JAM2: variants seen among roughly 807,000 people sequenced by gnomAD.
The protein encoded by JAM2 is junctional adhesion molecule 2.
Under a neutral mutation model 42.0 loss-of-function variants are expected in JAM2, and 17 were observed. The ratio of observed to expected loss-of-function variants is 0.40; its 90% CI spans 0.28 to 0.61. The LOEUF is 0.61. Ranked by LOEUF, JAM2 falls within the 20% of genes least tolerant of loss-of-function variation. JAM2 has a pLI of 0.37. For synonymous variants in JAM2, 118 were observed against 128.6 expected, an observed-to-expected ratio of 0.92 and a Z score of 0.56; for missense variants, 319 against 358.3, an observed-to-expected ratio of 0.89 and a Z score of 0.89.
chr21:25,666,484 C>T (rs2033227374), intron 1 of JAM2, among the ~76,000 whole-genome samples: 1 of 152,070 alleles, frequency 6.6e-6, no homozygotes, highest in African/African-American at 2.4e-5. Context: ...GCCACCACAC[C>T]CGGCTAAGTT....
intron 1 of JAM2, among the ~76,000 whole-genome samples, chr21:25,653,237 A>T (rs2032831158): frequency 6.6e-6 from 1 of 152,210 alleles, no homozygotes; most frequent in Non-Finnish European, 1.5e-5. Context: ...ATAATAATAT[A>T]AACTATTCTA....
chr21:25,667,877 G>T (rs2123342860), intron 1 of JAM2, among the ~76,000 whole-genome samples: 1 of 152,168 alleles, frequency 6.6e-6, no homozygotes, highest in East Asian at 1.9e-4. Context: ...ATTTTCAATT[G>T]TATATCGTTT....
chr21:25,660,759 CATATATAT>C (rs1311949044), intron 1 of JAM2, among the ~76,000 whole-genome samples: 16 of 53,452 alleles, frequency 3.0e-4, no homozygotes, highest in African/African-American at 1.0e-3. Flanking sequence ...TCACAATAAC[CATATATAT>C]ATATATATAT....
chr21:25,678,920 C>T (rs897449668), intron 1 of JAM2, among the ~76,000 whole-genome samples: 5 of 152,226 alleles, frequency 3.3e-5, no homozygotes, highest in Admixed American at 1.3e-4. Flanking sequence ...CTGCCTCAGC[C>T]TCCCAAGTAG....
At chr21:25,641,424 A>C (rs1180130180) in intron 1 of JAM2, among the ~76,000 whole-genome samples, 7 of 152,226 alleles carry the variant, frequency 4.6e-5, no homozygotes, top group Non-Finnish European at 1.0e-4. Flanking sequence ...AAAAGCATAA[A>C]TGAATGGGGC....
chr21:25,693,033 C>G (rs573317405), intron 3 of JAM2, among the ~76,000 whole-genome samples: 1 of 152,234 alleles, frequency 6.6e-6, no homozygotes, highest in Non-Finnish European at 1.5e-5. Context: ...GACTATCTTA[C>G]AGCAGCAATT....
chr21:25,664,667 C>T (rs1183061201), intron 1 of JAM2, among the ~76,000 whole-genome samples: 1 of 152,202 alleles, frequency 6.6e-6, no homozygotes, highest in African/African-American at 2.4e-5. Flanking sequence ...CTTATTTCTC[C>T]AATTGCCTCT....
chr21:25,712,262 A>G, intron 8 of JAM2, 78 bp from the exon 9 acceptor site: 1 of 987,918 alleles, frequency 1.0e-6, no homozygotes, highest in Non-Finnish European at 1.6e-6. Context: ...ATGGAAGTAA[A>G]ATTAACTAAA....
At chr21:25,679,365 T>C (rs2033574691) in intron 1 of JAM2, among the ~76,000 whole-genome samples, 1 of 152,236 alleles carries the variant, frequency 6.6e-6, no homozygotes, top group South Asian at 2.1e-4. Flanking sequence ...TTCTTTATAG[T>C]CTATTGGTTT....
At chr21:25,694,731 T>C (rs891557084) in intron 4 of JAM2, among the ~76,000 whole-genome samples, 2 of 151,956 alleles carry the variant, frequency 1.3e-5, no homozygotes, top group African/African-American at 4.8e-5. Context: ...TCTCAGCTAC[T>C]TGGGAGGCTG....
chr21:25,714,681 C>T lies in JAM2; in HGVS notation c.*9C>T, dbSNP rs761763702. On this transcript the variant is annotated 3_prime_UTR_variant, in exon 10 of 10. Transcript: ENST00000480456. ...AATCCTTTATAATTTAAAGACTCCA[C>T]TTTAGAGATACACCAAAGCCACCGT... is the stretch of plus-strand genomic sequence containing the variant. 5 of 1,496,904 alleles carry T rather than the reference C, an allele frequency of 3.3e-6. No homozygotes were observed. In the African/African-American group the frequency reaches 7.3e-5, roughly 22 times the overall value. 92.7% of individuals were successfully genotyped at this position (1,496,904 alleles called of 1,614,324 possible). A position where few individuals can be genotyped will look rare whatever the true frequency, so the allele number is the denominator to read the frequency against.
intron 1 of JAM2, among the ~76,000 whole-genome samples, chr21:25,662,880 A>C (rs1350715414): frequency 2.6e-5 from 4 of 152,232 alleles, no homozygotes; most frequent in Admixed American, 1.3e-4. Context: ...CTTGTATCAA[A>C]TAGTTCCAAC....
At chr21:25,693,629 G>C (rs2033930890) in intron 3 of JAM2, 127 bp from the exon 4 acceptor site, 1 of 789,856 alleles carries the variant, frequency 1.3e-6, no homozygotes, top group Non-Finnish European at 2.0e-6. Flanking sequence ...CAACTTTTAG[G>C]CTTTAAACTT....
intron 2 of JAM2, among the ~76,000 whole-genome samples, chr21:25,686,284 A>G (rs2033750229): frequency 6.6e-6 from 1 of 152,184 alleles, no homozygotes; most frequent in Non-Finnish European, 1.5e-5. Context: ...CTTTTTAATT[A>G]AGAATTTCAT....
At chr21:25,659,184 T>C (rs1265563714) in intron 1 of JAM2, among the ~76,000 whole-genome samples, 1 of 151,696 alleles carries the variant, frequency 6.6e-6, no homozygotes, top group Non-Finnish European at 1.5e-5. Flanking sequence ...TTATCCAATT[T>C]AGTCATCCTA....
chr21:25,665,760 G>T (rs150826442), intron 1 of JAM2, among the ~76,000 whole-genome samples: 1 of 152,126 alleles, frequency 6.6e-6, no homozygotes, highest in Non-Finnish European at 1.5e-5. Context: ...TTAATCTCAC[G>T]CCACACACAG....
chr21:25,640,011 C>T (rs762024050), intron 1 of JAM2, 123 bp downstream of exon 1: 3 of 624,982 alleles, frequency 4.8e-6, no homozygotes, highest in Non-Finnish European at 7.8e-6. Context: ...CGCGGGGCGT[C>T]TGACCTTGCG....
rs373789692 is a variant in JAM2 at position 25,654,822 on chromosome 21, A to G, written c.67+14934A>G. Among the ~76,000 whole-genome samples, 36 of 152,322 alleles carry G rather than the reference A, an allele frequency of 2.4e-4. No individual in the cohort carries two copies. In the East Asian group the frequency reaches 4.8e-3, roughly 20 times the overall value. On this transcript the variant is annotated intron_variant, in intron 1 of 9. Coordinates refer to ENST00000480456, the MANE Select transcript of JAM2 (RefSeq NM_021219.4). ...AATGACACCACAAGGTAGCACGTGC[A>G]TGAACTCAGAAAGTGGGTTTTTCTG...
Position 25,717,549 on chromosome 21 carries a change from C to A in JAM2, c.*2877C>A. 1 of 1,343,278 alleles carries A rather than the reference C, an allele frequency of 7.4e-7. No homozygotes were observed. Among genetic ancestry groups the A allele is most frequent in the Non-Finnish European group, 9.8e-7 (1 of 1,022,826 alleles). The allele number at this position is 1,343,278 out of a possible 1,614,324, so 83.2% of individuals were successfully genotyped here. A position where few individuals can be genotyped will look rare whatever the true frequency, so the allele number is the denominator to read the frequency against. ...GGTGGCTTTGTTCGATTAAAGTCTA[C>A]ACTAATAAAAATAGCTGAACTTGTT... On this transcript the variant is annotated 3_prime_UTR_variant, in exon 10 of 10. Transcript: ENST00000480456.
Sources: gnomAD v4.1 joint callset for allele counts (sites outside exome capture counted in the v4.1 genomes callset) on GRCh38, gnomAD v4.1.1 for gene constraint, MANE v1.5 for transcripts, NCBI Gene and HGNC (gene_info 2026-07-23, HGNC 2026-07-21) for gene names.